The following EYS variants were observed in gnomAD, a reference collection of about 807,000 sequenced individuals.
EYS encodes protein eyes shut homolog.
A neutral mutation model predicts 282.1 loss-of-function variants in EYS; 250 were observed. The ratio of observed to expected loss-of-function variants is 0.89; its 90% CI spans 0.80 to 0.98. The LOEUF (loss-of-function observed/expected upper bound fraction) is 0.98, where lower values mean the gene tolerates loss of function less well. Among genes scored for constraint, EYS ranks in the 50% least tolerant of loss-of-function variants. EYS has a pLI of 0.00. For missense variants in EYS, 4,016 were observed against 3,709.0 expected, an observed-to-expected ratio of 1.08 and a Z score of -2.15; for synonymous variants, 1,355 against 1,282.9, an observed-to-expected ratio of 1.06 and a Z score of -1.20.
chr6:64,810,101 A>G (rs1334724499), intron 22 of EYS, among the ~76,000 whole-genome samples: 2 of 118,114 alleles, frequency 1.7e-5, no homozygotes, highest in African/African-American at 2.7e-5. Context: ...GTGAATCAGT[A>G]TCAATCATCT....
chr6:64,215,275 T>C (rs1432285233), intron 31 of EYS, among the ~76,000 whole-genome samples: 1 of 152,090 alleles, frequency 6.6e-6, no homozygotes, highest in Non-Finnish European at 1.5e-5. Context: ...TTTTAAATGC[T>C]ATGATAACCA....
At chr6:64,294,109 C>T (rs545869739) in intron 30 of EYS, among the ~76,000 whole-genome samples, 1 of 104,160 alleles carries the variant, frequency 9.6e-6, no homozygotes, top group Non-Finnish European at 2.1e-5. Flanking sequence ...TTGTCATATA[C>T]ACAGATATAA....
chr6:64,294,199 C>T (rs962719069), intron 30 of EYS, among the ~76,000 whole-genome samples: 1 of 152,102 alleles, frequency 6.6e-6, no homozygotes, highest in Non-Finnish European at 1.5e-5. Flanking sequence ...ATCCCCATCA[C>T]CAAATAAAAA....
Position 64,645,869 on chromosome 6 carries a change from T to TA in EYS, c.3444-19625dup, listed in dbSNP as rs149344094. Among the ~76,000 whole-genome samples the TA allele has an allele frequency of 4.2e-3, 634 of 152,310 alleles. 3 individuals carry two copies. The highest frequency in any genetic ancestry group is 0.014 in the African/African-American group (584 of 41,554). On this transcript the variant is annotated intron_variant, in intron 22 of 42. Transcript: ENST00000503581. ...GCAACAGGCATATTGTTGAGATGAC[T>TA]AAGGTTAATCTGTCTCCATTTGCTT...
intron 22 of EYS, among the ~76,000 whole-genome samples, chr6:64,658,328 G>A (rs539083509): frequency 8.0e-4 from 122 of 151,714 alleles, no homozygotes; most frequent in African/African-American, 2.5e-3. Context: ...AAGTTTGATC[G>A]TCTGAAGCCT....
At chr6:65,650,430 G>A (rs1582563447) in intron 1 of EYS, among the ~76,000 whole-genome samples, 1 of 152,116 alleles carries the variant, frequency 6.6e-6, no homozygotes, top group Admixed American at 6.5e-5. Context: ...TTGTAACACA[G>A]TAGCCATATA....
At chr6:64,733,694 G>C (rs1772057822) in intron 22 of EYS, 1 of 158,748 alleles carries the variant, frequency 6.3e-6, no homozygotes, top group Non-Finnish European at 1.4e-5. Context: ...TGGCACCCAA[G>C]AGACTCATAA....
intron 5 of EYS, among the ~76,000 whole-genome samples, chr6:65,464,740 C>A (rs1371667005): frequency 6.6e-6 from 1 of 152,090 alleles, no homozygotes; most frequent in African/African-American, 2.4e-5. Context: ...GTTTTTCATG[C>A]TTCCATTGAT....
intron 7 of EYS, among the ~76,000 whole-genome samples, chr6:65,394,216 G>C (rs1049561481): frequency 4.6e-5 from 7 of 151,954 alleles, no homozygotes; most frequent in African/African-American, 1.7e-4. Context: ...AAATTAGTGT[G>C]TGTGTATGTG....
At chr6:63,833,520 T>G (rs143796968) in intron 36 of EYS, among the ~76,000 whole-genome samples, 4,598 of 152,202 alleles carry the variant, frequency 0.03, 78 homozygotes, top group Non-Finnish European at 0.05. Flanking sequence ...AAGGACCTCT[T>G]CAAGGAGAAC....
chr6:64,521,916 A>G (rs192640534), intron 26 of EYS, among the ~76,000 whole-genome samples: 238 of 151,906 alleles, frequency 1.6e-3, no homozygotes, highest in African/African-American at 5.4e-3. Flanking sequence ...GCAACTACCC[A>G]GAAGTATAGT....
intron 24 of EYS, among the ~76,000 whole-genome samples, chr6:64,602,813 T>C (rs1682975186): frequency 6.6e-6 from 1 of 152,046 alleles, no homozygotes; most frequent in Non-Finnish European, 1.5e-5. Flanking sequence ...AAATAAGTGG[T>C]AAATTATTTG....
chr6:63,835,646 T>C (rs969961523), intron 36 of EYS, among the ~76,000 whole-genome samples: 6 of 152,008 alleles, frequency 3.9e-5, no homozygotes, highest in Non-Finnish European at 8.8e-5. Flanking sequence ...GTCTGGATGA[T>C]GGGTGCATCA....
intron 35 of EYS, among the ~76,000 whole-genome samples, chr6:63,966,744 C>T (rs551487718): frequency 6.6e-6 from 1 of 152,288 alleles, no homozygotes; most frequent in East Asian, 1.9e-4. Context: ...AACCACATAG[C>T]ATTGTTACAA....
intron 30 of EYS, among the ~76,000 whole-genome samples, chr6:64,246,802 A>G (rs1216009981): frequency 6.6e-6 from 1 of 152,192 alleles, no homozygotes; most frequent in East Asian, 1.9e-4. Context: ...ATGAACCCCT[A>G]TGGGCAGTGA....
chr6:65,456,968 T>A lies in EYS; in HGVS notation c.862+33626A>T, dbSNP rs9354249. On this transcript the variant is annotated intron_variant, in intron 5 of 42. Coordinates refer to ENST00000503581, the MANE Select transcript of EYS (RefSeq NM_001142800.2). Reference sequence around the variant, plus strand: ...GTTAGTGCTACTTACCATTATCTCCTGAGCACATGAGGGTCAGTATAGAAC... The same window carrying A: ...GTTAGTGCTACTTACCATTATCTCCAGAGCACATGAGGGTCAGTATAGAAC... Among the ~76,000 whole-genome samples the A allele has an allele frequency of 5.9e-5, 9 of 152,014 alleles. No individual in the cohort carries two copies. The East Asian group carries it at 1.8e-3, about 30-fold the overall frequency.
intron 22 of EYS, among the ~76,000 whole-genome samples, chr6:64,769,960 T>C (rs1268551168): frequency 2.0e-5 from 3 of 151,988 alleles, no homozygotes; most frequent in Admixed American, 2.0e-4. Flanking sequence ...CACATACAGA[T>C]GTAAATATAT....
intron 33 of EYS, among the ~76,000 whole-genome samples, chr6:64,023,942 A>G (rs991881978): frequency 6.6e-6 from 1 of 152,132 alleles, no homozygotes; most frequent in African/African-American, 2.4e-5. Context: ...GCTGTGCTCA[A>G]TTTCTCACCG....
chr6:63,918,262 T>C (rs979715081), intron 35 of EYS, among the ~76,000 whole-genome samples: 4 of 152,246 alleles, frequency 2.6e-5, no homozygotes, highest in Admixed American at 1.3e-4. Context: ...TAAGCAGCAT[T>C]ACTGAAATAT....
Sources: allele counts gnomAD v4.1 joint callset (sites outside exome capture counted in the v4.1 genomes callset), GRCh38; gene constraint gnomAD v4.1.1; transcripts MANE v1.5; gene names NCBI Gene and HGNC (gene_info 2026-07-23, HGNC 2026-07-21).